DIXDC1: variants seen among roughly 807,000 people sequenced by gnomAD.
The protein encoded by DIXDC1 is dixin.
In DIXDC1, 64 loss-of-function variants were observed where a neutral mutation model predicts 103.1. That is an observed-to-expected ratio of 0.62 (90% CI 0.51 to 0.76). The LOEUF is 0.76. Among genes scored for constraint, DIXDC1 ranks in the 30% least tolerant of loss-of-function variants. The probability of loss-of-function intolerance (pLI) is 0.00; values close to 1 mark genes in which losing one functional copy is unlikely to be tolerated. For synonymous variants in DIXDC1, 266 were observed against 298.5 expected (o/e 0.89, Z 1.12); for missense variants, 759 against 834.2 (o/e 0.91, Z 1.11).
rs1555172747 is a variant in DIXDC1 at position 111,977,550 on chromosome 11, G to A, written c.656+2567G>A. On this transcript the variant is annotated intron_variant, in intron 5 of 19. Coordinates refer to ENST00000440460, the MANE Select transcript of DIXDC1 (RefSeq NM_001037954.4). The surrounding 1 kb of genome is among the most constrained non-coding windows in gnomAD (Gnocchi z 6.1). ...AGCGGCCGGGACTGCGCGCTTCAGA[G>A]CCTGGAGCATCCCAGTCGCTGGGGC... The A allele has an allele frequency of 6.8e-7, 1 of 1,473,044 alleles. No homozygotes were observed. The highest frequency in any genetic ancestry group is 9.0e-7 in the Non-Finnish European group (1 of 1,112,588). 91.2% of individuals were successfully genotyped at this position (1,473,044 alleles called of 1,614,324 possible). A position where few individuals can be genotyped will look rare whatever the true frequency, so the allele number is the denominator to read the frequency against.
Position 111,975,153 on chromosome 11 carries a change from G to T in DIXDC1, c.656+170G>T, listed in dbSNP as rs1440965772. The T allele has an allele frequency of 3.5e-6, 5 of 1,417,062 alleles. No homozygotes were observed. In the South Asian group the frequency reaches 7.2e-5, roughly 20 times the overall value. The allele number at this position is 1,417,062 out of a possible 1,614,324, so 87.8% of individuals were successfully genotyped here. On this transcript the variant is annotated intron_variant, in intron 5 of 19. Coordinates refer to ENST00000440460, the MANE Select transcript of DIXDC1 (RefSeq NM_001037954.4). ...CTTTGTGGGTTTGTGCTAGTAGGAG[G>T]GTAGGAAGGTAGGGTGGGGTGCTGG...
chr11:111,979,529 G>A (rs587608232), intron 5 of DIXDC1, among the ~76,000 whole-genome samples: 7 of 152,298 alleles, frequency 4.6e-5, no homozygotes, highest in Admixed American at 2.6e-4. Flanking sequence ...GAGATGGCTC[G>A]AGACTCCTTT....
intron 15 of DIXDC1, 88 bp from the exon 16 acceptor site, chr11:111,995,315 C>A: frequency 6.5e-7 from 1 of 1,540,996 alleles, no homozygotes; most frequent in Non-Finnish European, 8.8e-7. Context: ...GAAAAATCTT[C>A]TGGAAACTTC....
intron 17 of DIXDC1, among the ~76,000 whole-genome samples, chr11:112,014,277 T>G (rs966244421): frequency 6.6e-6 from 1 of 152,356 alleles, no homozygotes; most frequent in East Asian, 1.9e-4. Flanking sequence ...TTTTAGTAAC[T>G]TTCCATAGCT....
chr11:111,956,791 A>G (rs1555170611), intron 1 of DIXDC1, among the ~76,000 whole-genome samples: 1 of 152,304 alleles, frequency 6.6e-6, no homozygotes, highest in African/African-American at 2.4e-5. Flanking sequence ...TGCCCGGCCT[A>G]AAATAAATAA....
chr11:111,944,471 C>T (rs763975058), intron 1 of DIXDC1, among the ~76,000 whole-genome samples: 2 of 152,078 alleles, frequency 1.3e-5, no homozygotes, highest in Non-Finnish European at 1.5e-5. Flanking sequence ...AACTGAGGCT[C>T]GGCTTACAAA....
intron 17 of DIXDC1, among the ~76,000 whole-genome samples, chr11:112,004,029 TATA>T (rs1555176297): frequency 5.0e-4 from 6 of 11,926 alleles, no homozygotes; most frequent in African/African-American, 2.5e-3. Context: ...AAAAAAATTA[TATA>T]TATATATATA....
At chr11:111,995,913 C>T (rs880003589) in intron 16 of DIXDC1, among the ~76,000 whole-genome samples, 167 bp from the exon 17 acceptor site, 1 of 151,882 alleles carries the variant, frequency 6.6e-6, no homozygotes, top group Non-Finnish European at 1.5e-5. Flanking sequence ...AACCAGAAAG[C>T]CTTTCATATA....
chr11:111,977,404 T>A lies in DIXDC1; in HGVS notation c.656+2421T>A. ...CCTCCCAGTGGGAGATGGGTTGAGATGCCCCCGCCAGGGGGGATGCCCGGC... is the reference window on the plus strand; with the variant it reads ...CCTCCCAGTGGGAGATGGGTTGAGAAGCCCCCGCCAGGGGGGATGCCCGGC... On this transcript the variant is annotated intron_variant, in intron 5 of 19. Coordinates refer to ENST00000440460, the MANE Select transcript of DIXDC1 (RefSeq NM_001037954.4). This position sits in a 1 kb window ranked among gnomAD's most constrained non-coding sequence, Gnocchi z 6.1. 1 of 1,134,346 alleles carries A rather than the reference T, an allele frequency of 8.8e-7. No homozygotes were observed. The highest frequency in any genetic ancestry group is 1.1e-6 in the Non-Finnish European group (1 of 923,732). The allele number at this position is 1,134,346 out of a possible 1,614,324, so 70.3% of individuals were successfully genotyped here.
chr11:112,004,071 T>C (rs1861157038), intron 17 of DIXDC1, among the ~76,000 whole-genome samples: 2 of 147,392 alleles, frequency 1.4e-5, no homozygotes, highest in Non-Finnish European at 1.5e-5. Flanking sequence ...TATGTGTATA[T>C]ATATGTGTGT....
chr11:111,977,596 C>T lies in DIXDC1; in HGVS notation c.656+2613C>T. The T allele has an allele frequency of 6.6e-7, 1 of 1,513,388 alleles. No individual in the cohort carries two copies. The highest frequency in any genetic ancestry group is 8.8e-7 in the Non-Finnish European group (1 of 1,130,310). 93.7% of individuals were successfully genotyped at this position (1,513,388 alleles called of 1,614,324 possible). A position where few individuals can be genotyped will look rare whatever the true frequency, so the allele number is the denominator to read the frequency against. ...GGGGCCGAGACGCCGCCGCCGCCGC[C>T]GTTCCCGCTTTCTCCCGCGAGCCGG... is the stretch of plus-strand genomic sequence containing the variant. On this transcript the variant is annotated intron_variant, in intron 5 of 19. Coordinates refer to ENST00000440460, the MANE Select transcript of DIXDC1 (RefSeq NM_001037954.4). This position sits in a 1 kb window ranked among gnomAD's most constrained non-coding sequence, Gnocchi z 6.1.
At chr11:111,971,790 T>TA (rs367722477) in intron 3 of DIXDC1, among the ~76,000 whole-genome samples, 14 of 149,542 alleles carry the variant, frequency 9.4e-5, no homozygotes, top group East Asian at 5.8e-4. Flanking sequence ...TATGCAGCTA[T>TA]AAAAAAAAAA....
chr11:111,973,241 G>A (rs1158812120), intron 3 of DIXDC1, among the ~76,000 whole-genome samples: 6 of 151,340 alleles, frequency 4.0e-5, no homozygotes, highest in African/African-American at 9.7e-5. Context: ...GCATGGTGGC[G>A]GGCACCTGTA....
chr11:111,948,489 G>C (rs1441196016), intron 1 of DIXDC1, among the ~76,000 whole-genome samples: 1 of 151,862 alleles, frequency 6.6e-6, no homozygotes, highest in African/African-American at 2.4e-5. Flanking sequence ...TTCAGTCCTA[G>C]ATTAGCCCAT....
At chr11:111,980,240 C>T (rs1392625893) in intron 5 of DIXDC1, among the ~76,000 whole-genome samples, 1 of 152,194 alleles carries the variant, frequency 6.6e-6, no homozygotes, top group African/African-American at 2.4e-5. Flanking sequence ...CCTTTGTGAT[C>T]AGCTCAGAGC....
rs1555177912 is a variant in DIXDC1, at chr11:112,017,743, C to A, written c.1863-34C>A. On this transcript the variant is annotated intron_variant, in intron 18 of 19. Transcript: ENST00000440460. This position sits in a 1 kb window ranked among gnomAD's most constrained non-coding sequence, Gnocchi z 4.0. ...TCTTATCTTTCCAGCTATTGATCAA[C>A]AGTCTATTTTAGTGCTCTCTCCTTG... 6.5e-7 allele frequency: 1 copy of A among 1,535,288 alleles called. No homozygotes were observed. The highest frequency in any genetic ancestry group is 1.2e-5 in the South Asian group (1 of 85,682).
Position 111,958,774 on chromosome 11 carries a change from C to G in DIXDC1, c.61-5775C>G, listed in dbSNP as rs1859474228. Among the ~76,000 whole-genome samples the G allele has an allele frequency of 3.3e-5, 5 of 152,208 alleles. 1 individual carries two copies. The South Asian group carries it at 1.0e-3, about 32-fold the overall frequency. On this transcript the variant is annotated intron_variant, in intron 1 of 19. Coordinates refer to ENST00000440460, the MANE Select transcript of DIXDC1 (RefSeq NM_001037954.4). This position sits in a 1 kb window ranked among gnomAD's most constrained non-coding sequence, Gnocchi z 4.2. ...TTTTCCAGGCCTACCCATGGCCACC[C>G]ATGAACCAATCAGTACACACTTCCT...
intron 3 of DIXDC1, among the ~76,000 whole-genome samples, chr11:111,970,733 GA>G (rs1859893250): frequency 6.7e-6 from 1 of 149,880 alleles, no homozygotes; most frequent in Admixed American, 6.6e-5. Context: ...TATACTACAA[GA>G]CTACAGTAAC....
rs1861321788 is a variant in DIXDC1 at position 112,008,864 on chromosome 11, AAAATCGACACCTT to A, written c.1757-7824_1757-7812del. ...CCACAGGAGAAAGCAGGAAAGATCT[AAAATCGACACCTT>A]AACATCACAATTAAAAGAAATCGAG... is the stretch of plus-strand genomic sequence containing the variant. On this transcript the variant is annotated intron_variant, in intron 17 of 19. Coordinates refer to ENST00000440460, the MANE Select transcript of DIXDC1 (RefSeq NM_001037954.4). 2.0e-5 allele frequency among the ~76,000 whole-genome samples: 3 copies of A among 152,250 alleles called. No individual in the cohort carries two copies. In the South Asian group the frequency reaches 6.2e-4, roughly 32 times the overall value.
Sources: gnomAD v4.1 joint callset for allele counts (sites outside exome capture counted in the v4.1 genomes callset) on GRCh38, gnomAD v4.1.1 for gene constraint, Gnocchi (gnomAD v3.1) non-coding constraint, MANE v1.5 for transcripts, NCBI Gene and HGNC (gene_info 2026-07-23, HGNC 2026-07-21) for gene names.